Variants in HHIPL1 observed in about 807,000 individuals in gnomAD.
The protein encoded by HHIPL1 is HHIP-like protein 1.
A neutral mutation model predicts 61.8 loss-of-function variants in HHIPL1; 43 were observed. The observed-to-expected ratio is 0.70, with a 90% CI of 0.55 to 0.90. HHIPL1 has a LOEUF of 0.90. HHIPL1 is among the 40% of genes least tolerant of loss of function. The pLI is 0.00. For missense variants in HHIPL1, 1,056 were observed against 1,157.7 expected, an observed-to-expected ratio of 0.91 and a Z score of 1.28; for synonymous variants, 482 against 515.8, an observed-to-expected ratio of 0.93 and a Z score of 0.89.
Position 99,668,940 on chromosome 14 carries a change from C to G in HHIPL1, c.1730+637C>G, listed in dbSNP as rs367639680. Reference sequence around the variant, plus strand: ...AGTGGTGGAAATGAGCACAAAGACACGAAGTCATGGGCCTGGGGCCCAGGG... The same window carrying G: ...AGTGGTGGAAATGAGCACAAAGACAGGAAGTCATGGGCCTGGGGCCCAGGG... On this transcript the variant is annotated intron_variant, in intron 7 of 8. Transcript: ENST00000330710. This position sits in a 1 kb window ranked among gnomAD's most constrained non-coding sequence, Gnocchi z 4.7. 162 of 1,608,646 alleles carry G rather than the reference C, an allele frequency of 1.0e-4. No individual in the cohort carries two copies. The highest frequency in any genetic ancestry group is 1.3e-4 in the Non-Finnish European group (157 of 1,176,082).
Position 99,657,420 on chromosome 14 carries a change from C to T in HHIPL1, c.1046+277C>T, listed in dbSNP as rs374179448. On this transcript the variant is annotated intron_variant, in intron 3 of 8. Coordinates refer to ENST00000330710, the MANE Select transcript of HHIPL1 (RefSeq NM_001127258.3). The stretch of plus-strand genomic sequence containing the variant: ...TGGCACAGGACCCTCTGGGCACAGG[C>T]GCCTGAGAGGTGCATTAGCGAGCCT... Among the ~76,000 whole-genome samples, 116 of 152,258 alleles carry T rather than the reference C, an allele frequency of 7.6e-4. 1 individual carries two copies. The highest frequency in any genetic ancestry group is 2.7e-3 in the African/African-American group (112 of 41,550).
chr14:99,656,114 C>T (rs1215618014), intron 2 of HHIPL1, among the ~76,000 whole-genome samples: 7 of 152,162 alleles, frequency 4.6e-5, no homozygotes, highest in African/African-American at 7.2e-5. Flanking sequence ...ACCGTCCTGC[C>T]CACCGTTAGA....
chr14:99,672,013 G>T (rs2056331232), intron 7 of HHIPL1, among the ~76,000 whole-genome samples: 1 of 152,214 alleles, frequency 6.6e-6, no homozygotes, highest in South Asian at 2.1e-4. Flanking sequence ...TTCACACCCT[G>T]AGGACAGAGT....
chr14:99,641,087 A>C (rs1175009090), upstream of HHIPL1, among the ~76,000 whole-genome samples: 1 of 151,608 alleles, frequency 6.6e-6, no homozygotes, highest in Non-Finnish European at 1.5e-5. Context: ...GGGTTTCGCC[A>C]TGTTGGCCAG....
At chr14:99,673,955 G>T (rs2140096882) in intron 8 of HHIPL1, among the ~76,000 whole-genome samples, 1 of 150,926 alleles carries the variant, frequency 6.6e-6, no homozygotes, top group Admixed American at 6.6e-5. Flanking sequence ...CACCGAGGGG[G>T]GTGGCAGTGC....
In HHIPL1 at chr14:99,679,636, C is replaced by T. The variant is rs938579697; in HGVS notation, c.*4010C>T. ...CTGGGTTCCAGTCCTGGCTCTGTGCCTCTCTGAGTCTCATTGCAAAATAGA... is the reference window on the plus strand; with the variant it reads ...CTGGGTTCCAGTCCTGGCTCTGTGCTTCTCTGAGTCTCATTGCAAAATAGA... On this transcript the variant is annotated 3_prime_UTR_variant, in exon 9 of 9. Transcript: ENST00000330710. 6.6e-6 allele frequency: 1 copy of T among 152,252 alleles called. No individual in the cohort carries two copies. 9.4% of individuals were successfully genotyped at this position (152,252 alleles called of 1,614,324 possible).
chr14:99,650,343 C>T (rs991169822), intron 1 of HHIPL1, among the ~76,000 whole-genome samples: 2 of 152,192 alleles, frequency 1.3e-5, no homozygotes, highest in African/African-American at 4.8e-5. Flanking sequence ...GAGCATCCCC[C>T]GAAGCTCTGG....
At chr14:99,611,538 G>A in the HHIPL1 span, among the ~76,000 whole-genome samples, 1 of 150,770 alleles carries the variant, frequency 6.6e-6, no homozygotes, top group African/African-American at 2.4e-5. Flanking sequence ...CACCCACCTT[G>A]GCCTCCCAAA....
intron 1 of HHIPL1, 82 bp from the exon 2 acceptor site, chr14:99,652,140 TGA>T: frequency 7.6e-7 from 1 of 1,310,942 alleles, no homozygotes; most frequent in Non-Finnish European, 1.0e-6. Flanking sequence ...ACTGAGGCTC[TGA>T]GAGATGGGGG....
chr14:99,671,453 C>T (rs545221202), intron 7 of HHIPL1, among the ~76,000 whole-genome samples: 26 of 152,280 alleles, frequency 1.7e-4, no homozygotes, highest in Non-Finnish European at 3.4e-4. Flanking sequence ...GGGACAAAGA[C>T]CCTTGTCCCT....
At chr14:99,619,955 C>T in the HHIPL1 span, among the ~76,000 whole-genome samples, 1 of 152,240 alleles carries the variant, frequency 6.6e-6, no homozygotes, top group African/African-American at 2.4e-5. Flanking sequence ...TTAGCAGAGG[C>T]TGGCCCCAGG....
intron 7 of HHIPL1, chr14:99,669,015 G>T (rs2056295277): frequency 6.6e-7 from 1 of 1,518,634 alleles, no homozygotes; most frequent in South Asian, 1.2e-5. Flanking sequence ...CTAACCCCTT[G>T]GCTGTGTGCC....
intron 2 of HHIPL1, among the ~76,000 whole-genome samples, chr14:99,654,787 T>G (rs1177241677): frequency 2.0e-5 from 3 of 152,210 alleles, no homozygotes; most frequent in African/African-American, 7.2e-5. Context: ...GAAACATAAT[T>G]ATCAGATCTT....
the HHIPL1 span, among the ~76,000 whole-genome samples, chr14:99,621,836 C>T: frequency 2.7e-3 from 405 of 150,478 alleles, no homozygotes; most frequent in Middle Eastern, 0.01. Flanking sequence ...CTGCCTCAGC[C>T]TCCCAAGTAG....
At chr14:99,623,645 C>G in the HHIPL1 span, among the ~76,000 whole-genome samples, 1 of 152,118 alleles carries the variant, frequency 6.6e-6, no homozygotes, top group Non-Finnish European at 1.5e-5. Context: ...AAATCCTGGT[C>G]TCAAGCAACC....
intron 2 of HHIPL1, 22 bp downstream of exon 2, chr14:99,652,892 G>T (rs893947000): frequency 6.2e-7 from 1 of 1,603,458 alleles, no homozygotes; most frequent in African/African-American, 1.3e-5. Context: ...GGGGAACCCG[G>T]GCCTGGGTGG....
At position 99,675,206 on chromosome 14, in the gene HHIPL1, G is replaced by T; in HGVS notation, c.1929G>T (p.Arg643=). Residue 643 remains arginine, a synonymous_variant, in exon 9 of 9, where the codon CGG becomes CGT. Transcript: ENST00000330710. This position sits in a 1 kb window ranked among gnomAD's most constrained non-coding sequence, Gnocchi z 5.4. The part of the protein sequence containing the change: ...APPAPTPRPA[R]PTQQPGSRRG... ...CCGCGCCAACCCCGCGGCCAGCGCG[G>T]CCCACCCAGCAGCCAGGGAGCCGGA... is the stretch of plus-strand genomic sequence containing the variant. The T allele has an allele frequency of 1.7e-6, 2 of 1,171,252 alleles. No homozygotes were observed. 72.6% of individuals were successfully genotyped at this position (1,171,252 alleles called of 1,614,324 possible). A position where few individuals can be genotyped will look rare whatever the true frequency, so the allele number is the denominator to read the frequency against.
At chr14:99,644,647 A>G (rs966375847), upstream of HHIPL1, among the ~76,000 whole-genome samples, 1 of 152,164 alleles carries the variant, frequency 6.6e-6, no homozygotes, top group African/African-American at 2.4e-5. Flanking sequence ...GAAGAAGCCC[A>G]CAGTAAGGGC....
upstream of HHIPL1, among the ~76,000 whole-genome samples, chr14:99,642,628 C>G (rs537168960): frequency 7.0e-4 from 106 of 151,920 alleles, no homozygotes; most frequent in African/African-American, 2.4e-3. Flanking sequence ...TGGGTTCACG[C>G]CATTCTCCTG....
Sources: gnomAD v4.1 joint callset for allele counts (sites outside exome capture counted in the v4.1 genomes callset) on GRCh38, gnomAD v4.1.1 for gene constraint, Gnocchi (gnomAD v3.1) non-coding constraint, MANE v1.5 for transcripts, NCBI Gene and HGNC (gene_info 2026-07-23, HGNC 2026-07-21) for gene names.